Variants in FGF14 observed in about 807,000 individuals in gnomAD.
The protein encoded by FGF14 is fibroblast growth factor 14.
FGF14 carries 5 observed loss-of-function variants against 25.5 expected under a neutral mutation model. That is an observed-to-expected ratio of 0.20 (90% CI 0.10 to 0.41). The LOEUF (loss-of-function observed/expected upper bound fraction) is 0.41. FGF14 is among the 10% of genes least tolerant of loss of function. The pLI is 1.00. For missense variants in FGF14, 222 were observed against 320.1 expected, an observed-to-expected ratio of 0.69 and a Z score of 2.34; for synonymous variants, 138 against 118.3, an observed-to-expected ratio of 1.17 and a Z score of -1.08.
chr13:102,107,938 A>G (rs1007490511), intron 1 of FGF14, among the ~76,000 whole-genome samples: 4 of 152,196 alleles, frequency 2.6e-5, no homozygotes, highest in African/African-American at 9.6e-5. Flanking sequence ...AAAGATATTT[A>G]ATCTCATTTG....
At chr13:102,398,013 AGTGTGTGTGTGT>A (rs3067869) in intron 1 of FGF14, among the ~76,000 whole-genome samples, 49 of 147,248 alleles carry the variant, frequency 3.3e-4, no homozygotes, top group Middle Eastern at 3.5e-3. Context: ...GACATTTAAG[AGTGTGTGTGTGT>A]GTGTGTGTGT....
At chr13:102,113,199 T>A (rs1381033565) in intron 1 of FGF14, among the ~76,000 whole-genome samples, 10 of 152,210 alleles carry the variant, frequency 6.6e-5, no homozygotes, top group African/African-American at 2.4e-4. Context: ...ATAAACTGAA[T>A]TGGATTTGCT....
rs1380748795 is a variant in FGF14 at position 102,161,562 on chromosome 13, CTGTGAAGAAAGAAA to C, written c.208+239895_208+239908del. On this transcript the variant is annotated intron_variant, in intron 1 of 4. Coordinates refer to the FGF14 transcript ENST00000376131. The stretch of plus-strand genomic sequence containing the variant: ...CAATATTCTCTATGCAACCAACTTT[CTGTGAAGAAAGAAA>C]GAAGAAGAAGAAGAAGAAGAAGAAG... 7.6e-3 allele frequency among the ~76,000 whole-genome samples: 33 copies of C among 4,334 alleles called. No individual in the cohort carries two copies. In the South Asian group the frequency reaches 0.097, roughly 13 times the overall value. The allele number at this position is 4,334 out of a possible 152,430, so 2.8% of individuals were successfully genotyped here. A position where few individuals can be genotyped will look rare whatever the true frequency, so the allele number is the denominator to read the frequency against.
intron 1 of FGF14, among the ~76,000 whole-genome samples, chr13:102,245,830 C>T (rs930469758): frequency 3.3e-5 from 5 of 152,024 alleles, no homozygotes; most frequent in African/African-American, 9.6e-5. Context: ...TAAATTTTTG[C>T]TTAATATTCA....
chr13:101,769,641 G>A (rs9518526), intron 3 of FGF14, among the ~76,000 whole-genome samples: 143,373 of 152,228 alleles, frequency 0.94, 68,178 homozygotes, highest in East Asian at 1. Flanking sequence ...GAAATGAGCT[G>A]TCAATCCATG....
intron 1 of FGF14, among the ~76,000 whole-genome samples, chr13:102,129,409 CCA>C (rs1253667174): frequency 6.6e-6 from 1 of 152,074 alleles, no homozygotes; most frequent in Admixed American, 6.5e-5. Context: ...TAGAAGAATT[CCA>C]CAGAGTGGAC....
intron 1 of FGF14, among the ~76,000 whole-genome samples, chr13:102,318,933 T>C (rs2056138155): frequency 6.6e-6 from 1 of 152,182 alleles, no homozygotes; most frequent in Non-Finnish European, 1.5e-5. Flanking sequence ...GAATCATCCT[T>C]TCTGAGTGCC....
upstream of FGF14, among the ~76,000 whole-genome samples, chr13:101,920,996 T>C (rs2033960540): frequency 6.6e-6 from 1 of 152,112 alleles, no homozygotes; most frequent in South Asian, 2.1e-4. Flanking sequence ...CTTTTGGTCC[T>C]CCAACTTTAA....
At chr13:102,139,406 G>GAA (rs376459762) in intron 1 of FGF14, among the ~76,000 whole-genome samples, 4 of 143,510 alleles carry the variant, frequency 2.8e-5, no homozygotes, top group Non-Finnish European at 6.1e-5. Flanking sequence ...TCTCAAGAAA[G>GAA]AAAAAAAAAA....
At chr13:101,896,759 C>A (rs1449432374) in intron 1 of FGF14, among the ~76,000 whole-genome samples, 1 of 152,092 alleles carries the variant, frequency 6.6e-6, no homozygotes, top group Non-Finnish European at 1.5e-5. Context: ...TACAATGATG[C>A]AATGCTGCAT....
chr13:101,850,686 GAATA>G (rs1011818772), intron 3 of FGF14, among the ~76,000 whole-genome samples: 8 of 142,234 alleles, frequency 5.6e-5, no homozygotes, highest in African/African-American at 7.7e-5. Flanking sequence ...AATATATATA[GAATA>G]TATATAGAAT....
chr13:102,312,221 C>G (rs1273699436), intron 1 of FGF14, among the ~76,000 whole-genome samples: 1 of 107,630 alleles, frequency 9.3e-6, no homozygotes, highest in South Asian at 2.6e-4. Flanking sequence ...AAGACCTAAA[C>G]CAAAAAAAAA....
At chr13:102,216,017 A>G (rs1281935943) in intron 1 of FGF14, among the ~76,000 whole-genome samples, 2 of 152,168 alleles carry the variant, frequency 1.3e-5, no homozygotes, top group Non-Finnish European at 2.9e-5. Flanking sequence ...GCAGACTGAG[A>G]AGGTCAGTAT....
At chr13:101,908,308 G>A (rs1027314955) in intron 1 of FGF14, among the ~76,000 whole-genome samples, 1 of 152,094 alleles carries the variant, frequency 6.6e-6, no homozygotes, top group African/African-American at 2.4e-5. Context: ...CCTAATCCCA[G>A]CCCCACTCTT....
intron 1 of FGF14, among the ~76,000 whole-genome samples, chr13:102,136,278 C>T (rs1030515580): frequency 5.3e-5 from 8 of 152,054 alleles, no homozygotes; most frequent in African/African-American, 1.9e-4. Context: ...TCTTGGAACC[C>T]TTACAGCAAT....
chr13:102,349,714 G>C (rs1820516126), intron 1 of FGF14, among the ~76,000 whole-genome samples: 1 of 152,204 alleles, frequency 6.6e-6, no homozygotes, highest in African/African-American at 2.4e-5. Context: ...AAAACCCTGA[G>C]CATGTTTGAT....
chr13:102,282,971 T>C (rs2141222894), intron 1 of FGF14, among the ~76,000 whole-genome samples: 1 of 152,262 alleles, frequency 6.6e-6, no homozygotes, highest in Admixed American at 6.5e-5. Flanking sequence ...TGTTGAAAAC[T>C]AGTAGTGGTT....
At chr13:101,835,905 G>A (rs2042900629) in intron 3 of FGF14, among the ~76,000 whole-genome samples, 1 of 152,068 alleles carries the variant, frequency 6.6e-6, no homozygotes, top group South Asian at 2.1e-4. Flanking sequence ...GTTGCTGGAA[G>A]AAATCTAAAG....
chr13:102,378,746 C>T (rs1389998367), intron 1 of FGF14, among the ~76,000 whole-genome samples: 1 of 151,866 alleles, frequency 6.6e-6, no homozygotes, highest in Non-Finnish European at 1.5e-5. Flanking sequence ...AGAGAAATTA[C>T]AGCTAGAATT....
Sources: allele counts gnomAD v4.1 joint callset (sites outside exome capture counted in the v4.1 genomes callset), GRCh38; gene constraint gnomAD v4.1.1; transcripts MANE v1.5; gene names NCBI Gene and HGNC (gene_info 2026-07-23, HGNC 2026-07-21).